PDZD2: variants seen among roughly 807,000 people sequenced by gnomAD.
PDZD2 encodes the protein PDZ domain containing 2.
A neutral mutation model predicts 220.7 loss-of-function variants in PDZD2; 90 were observed. That is an observed-to-expected ratio of 0.41 (90% CI 0.34 to 0.49). The LOEUF (loss-of-function observed/expected upper bound fraction) is 0.49, where lower values mean the gene tolerates loss of function less well. PDZD2 is among the 20% of genes least tolerant of loss of function. The pLI, the probability that PDZD2 is intolerant of heterozygous loss-of-function variation, is 0.28. For synonymous variants in PDZD2, 1,375 were observed against 1,450.5 expected, an observed-to-expected ratio of 0.95 and a Z score of 1.18; for missense variants, 3,174 against 3,608.5, an observed-to-expected ratio of 0.88 and a Z score of 3.08.
chr5:32,105,161 A>G (rs1364760962), intron 24 of PDZD2, among the ~76,000 whole-genome samples: 3 of 152,158 alleles, frequency 2.0e-5, no homozygotes, highest in African/African-American at 7.2e-5. Flanking sequence ...CAATCAATCA[A>G]TCAATCCAGA....
At chr5:31,865,661 T>G (rs866345114) in intron 2 of PDZD2, among the ~76,000 whole-genome samples, 1 of 126,632 alleles carries the variant, frequency 7.9e-6, no homozygotes, top group Admixed American at 9.4e-5. Flanking sequence ...TGAGATGGAG[T>G]CTTGCTCTGT....
At chr5:31,814,099 G>A (rs1407017682) in intron 2 of PDZD2, among the ~76,000 whole-genome samples, 2 of 152,082 alleles carry the variant, frequency 1.3e-5, no homozygotes, top group African/African-American at 4.8e-5. Context: ...TATTTGTGAG[G>A]TCACTAAAAG....
chr5:32,072,737 C>T (rs1490872466), intron 17 of PDZD2, among the ~76,000 whole-genome samples: 1 of 152,152 alleles, frequency 6.6e-6, no homozygotes. Context: ...AAAATGCAGC[C>T]ACTGTTAGTG....
intron 18 of PDZD2, among the ~76,000 whole-genome samples, chr5:32,074,873 C>T (rs1741147385): frequency 1.3e-5 from 2 of 151,586 alleles, no homozygotes; most frequent in Admixed American, 6.6e-5. Flanking sequence ...TGCAGTGGCG[C>T]AATCTCAGCT....
chr5:32,090,825 T>G lies in PDZD2; in HGVS notation c.7377T>G (p.Ala2459=), dbSNP rs1272774081. 1 of 1,614,100 alleles carries G rather than the reference T, an allele frequency of 6.2e-7. No homozygotes were observed. The highest frequency in any genetic ancestry group is 8.5e-7 in the Non-Finnish European group (1 of 1,180,014). The part of the protein sequence containing the change: ...LGIPTPTMTL[A]SPVKRNKSSV... ...TTCCCACCCCAACGATGACCCTGGC[T>G]TCTCCTGTTAAGAGGAACAAGTCCT... is the stretch of plus-strand genomic sequence containing the variant. The change falls in exon 20 of 25, where the codon GCT becomes GCG. Residue 2459 remains alanine, a synonymous_variant. Coordinates refer to ENST00000438447, the MANE Select transcript of PDZD2 (RefSeq NM_178140.4). This position sits in a 1 kb window ranked among gnomAD's most constrained non-coding sequence, Gnocchi z 4.3.
At chr5:31,850,739 C>T (rs1012818635) in intron 2 of PDZD2, among the ~76,000 whole-genome samples, 12 of 150,092 alleles carry the variant, frequency 8.0e-5, no homozygotes, top group Admixed American at 2.0e-4. Context: ...TGGGTTCAAG[C>T]GATTCTTCTG....
At chr5:32,081,348 C>T (rs1741935255) in intron 19 of PDZD2, among the ~76,000 whole-genome samples, 1 of 152,146 alleles carries the variant, frequency 6.6e-6, no homozygotes, top group South Asian at 2.1e-4. Flanking sequence ...GAATGCTAGA[C>T]CAGGAACTGA....
At chr5:31,671,497 C>T (rs905942615) in intron 1 of PDZD2, among the ~76,000 whole-genome samples, 1 of 152,122 alleles carries the variant, frequency 6.6e-6, no homozygotes, top group Non-Finnish European at 1.5e-5. Flanking sequence ...GTGCTGTGCT[C>T]ATAGCAGCGG....
intron 2 of PDZD2, chr5:31,936,464 C>T (rs1482840090): frequency 2.3e-6 from 1 of 432,618 alleles, no homozygotes; most frequent in Non-Finnish European, 3.1e-6. Flanking sequence ...GTAATAATAA[C>T]ATAAAAGACT....
intron 1 of PDZD2, among the ~76,000 whole-genome samples, chr5:31,770,179 A>T (rs998940998): frequency 3.3e-5 from 5 of 152,192 alleles, no homozygotes; most frequent in Non-Finnish European, 7.3e-5. Flanking sequence ...AGGATGAAGA[A>T]GAAAATGTCA....
chr5:32,050,678 G>A (rs1738455584), intron 8 of PDZD2, among the ~76,000 whole-genome samples: 2 of 152,082 alleles, frequency 1.3e-5, no homozygotes, highest in Admixed American at 6.6e-5. Flanking sequence ...TTAATTAGCT[G>A]GGTATGGTCG....
Position 32,056,581 on chromosome 5 carries a change from T to C in PDZD2, c.1901-1074T>C, listed in dbSNP as rs192402134. ...AAGTCAACAGGATGTCCAAGTTCTT[T>C]TATATTCCTAGCAGACGCTATCAAC... On this transcript the variant is annotated intron_variant, in intron 10 of 24. Coordinates refer to ENST00000438447, the MANE Select transcript of PDZD2 (RefSeq NM_178140.4). 5.1e-4 allele frequency among the ~76,000 whole-genome samples: 77 copies of C among 152,322 alleles called. 1 individual carries two copies. Among genetic ancestry groups the C allele is most frequent in the Middle Eastern group, 3.4e-3 (1 of 294 alleles).
chr5:32,079,479 A>G (rs1340220207), intron 19 of PDZD2, among the ~76,000 whole-genome samples: 6 of 151,480 alleles, frequency 4.0e-5, no homozygotes. Context: ...TAGACAGAAA[A>G]AAGATAGCCT....
At chr5:31,768,654 A>C (rs1752167041) in intron 1 of PDZD2, among the ~76,000 whole-genome samples, 1 of 151,994 alleles carries the variant, frequency 6.6e-6, no homozygotes, top group Non-Finnish European at 1.5e-5. Context: ...AAAAAAAAAA[A>C]AAAACTGAGA....
intron 5 of PDZD2, 103 bp from the exon 6 acceptor site, chr5:32,010,227 C>G: frequency 4.0e-6 from 3 of 755,924 alleles, no homozygotes; most frequent in Non-Finnish European, 6.6e-6. Context: ...TCCATGTAGT[C>G]TTTGGTTTGG....
intron 2 of PDZD2, among the ~76,000 whole-genome samples, chr5:31,955,621 C>T (rs538350711): frequency 1.2e-3 from 182 of 151,522 alleles, no homozygotes; most frequent in Non-Finnish European, 2.3e-3. Context: ...GTTTCCTAGT[C>T]TCTCATTTAT....
intron 24 of PDZD2, among the ~76,000 whole-genome samples, chr5:32,101,989 A>G (rs368803297): frequency 3.3e-5 from 5 of 152,212 alleles, no homozygotes; most frequent in African/African-American, 9.7e-5. Context: ...AACAAGGTCA[A>G]TTCTTCTTAG....
intron 1 of PDZD2, among the ~76,000 whole-genome samples, chr5:31,645,699 A>AT (rs1163545457): frequency 1.3e-5 from 2 of 152,030 alleles, no homozygotes; most frequent in Non-Finnish European, 2.9e-5. Context: ...AGACTTTATC[A>AT]TCCAAGTTAA....
At position 32,089,842 on chromosome 5, in the gene PDZD2, C is replaced by T; in HGVS notation, c.6394C>T (p.Leu2132Phe). The change falls in exon 20 of 25, where the codon CTC becomes TTC. Residue 2132 changes from leucine to phenylalanine, a missense_variant. Physicochemically the swap from Leu to Phe is conservative, Grantham distance 22. Transcript: ENST00000438447. The stretch of plus-strand genomic sequence containing the variant: ...CTGTCAGGAGAAGAGTGAAATCAGG[C>T]TCTATCGCCAGGTCGCAGAATCATC... Reference protein sequence around the residue: ...GNCQEKSEIRLYRQVAESSTS... With the variant: ...GNCQEKSEIRFYRQVAESSTS... The T allele has an allele frequency of 6.2e-7, 1 of 1,613,440 alleles. No homozygotes were observed. The highest frequency in any genetic ancestry group is 8.5e-7 in the Non-Finnish European group (1 of 1,179,492).
Sources: allele counts gnomAD v4.1 joint callset (sites outside exome capture counted in the v4.1 genomes callset), GRCh38; gene constraint gnomAD v4.1.1; non-coding constraint Gnocchi (gnomAD v3.1); transcripts MANE v1.5; gene names NCBI Gene and HGNC (gene_info 2026-07-23, HGNC 2026-07-21).